UBTD2: variants seen among roughly 807,000 people sequenced by gnomAD.
UBTD2 encodes the protein ubiquitin domain containing 2, also known as ubiquitin domain-containing protein 2.
UBTD2 carries 9 observed loss-of-function variants against 19.8 expected under a neutral mutation model. That is an observed-to-expected ratio of 0.46 (90% CI 0.27 to 0.79). UBTD2 has a LOEUF of 0.79. Among genes scored for constraint, UBTD2 ranks in the 30% least tolerant of loss-of-function variants. The pLI, the probability that UBTD2 is intolerant of heterozygous loss-of-function variation, is 0.14. For synonymous variants in UBTD2, 98 were observed against 103.9 expected (o/e 0.94, Z 0.35); for missense variants, 250 against 300.4 (o/e 0.83, Z 1.24).
intron 1 of UBTD2, among the ~76,000 whole-genome samples, chr5:172,252,964 T>C (rs1755059937): frequency 6.6e-6 from 1 of 152,206 alleles, no homozygotes; most frequent in South Asian, 2.1e-4. Flanking sequence ...AAAAAACTAC[T>C]AGAAACTGTA....
intron 2 of UBTD2, among the ~76,000 whole-genome samples, chr5:172,222,334 T>C (rs547251260): frequency 3.0e-4 from 45 of 152,286 alleles, no homozygotes; most frequent in Non-Finnish European, 6.3e-4. Context: ...CTTTAGGACC[T>C]AACAAGGATC....
chr5:172,211,729 T>A lies in UBTD2; in HGVS notation c.*101A>T, dbSNP rs1277679969. The A allele has an allele frequency of 4.6e-6, 6 of 1,303,248 alleles. No individual in the cohort carries two copies. Among genetic ancestry groups the A allele is most frequent in the Non-Finnish European group, 6.2e-6 (6 of 973,882 alleles). 80.7% of individuals were successfully genotyped at this position (1,303,248 alleles called of 1,614,324 possible). On this transcript the variant is annotated 3_prime_UTR_variant, in exon 3 of 3. Transcript: ENST00000393792. ...CAGAACTAAATCCATTCATAGGGAA[T>A]TTAGAGCAGTGAAATAGATTTCACG...
At chr5:172,254,355 C>T (rs1755096421) in intron 1 of UBTD2, 1 of 238,982 alleles carries the variant, frequency 4.2e-6, no homozygotes, top group Non-Finnish European at 8.2e-6. Flanking sequence ...CCTCGGCCTC[C>T]CAAAGTGTTG....
intron 1 of UBTD2, among the ~76,000 whole-genome samples, chr5:172,266,550 T>C (rs755066709): frequency 2.0e-5 from 3 of 152,190 alleles, no homozygotes; most frequent in Non-Finnish European, 4.4e-5. Flanking sequence ...TTCCTACGGT[T>C]AAACATAAGT....
At chr5:172,256,971 A>G (rs140558689) in intron 1 of UBTD2, among the ~76,000 whole-genome samples, 4 of 152,208 alleles carry the variant, frequency 2.6e-5, no homozygotes, top group African/African-American at 9.6e-5. Context: ...TTCCTTCTTG[A>G]TGAATTCTTT....
chr5:172,278,363 C>T (rs931281401), intron 1 of UBTD2, among the ~76,000 whole-genome samples: 2 of 151,732 alleles, frequency 1.3e-5, no homozygotes, highest in Non-Finnish European at 2.9e-5. Context: ...ACTAAAAATA[C>T]AAAAAATTAG....
At position 172,209,945 on chromosome 5, in the gene UBTD2, A is replaced by C. The variant is rs1391929236; in HGVS notation, c.*1885T>G. The C allele has an allele frequency of 6.6e-6, 1 of 152,446 alleles. No individual in the cohort carries two copies. 9.4% of individuals were successfully genotyped at this position (152,446 alleles called of 1,614,324 possible). A position where few individuals can be genotyped will look rare whatever the true frequency, so the allele number is the denominator to read the frequency against. On this transcript the variant is annotated 3_prime_UTR_variant, in exon 3 of 3. Transcript: ENST00000393792. The stretch of plus-strand genomic sequence containing the variant: ...ATCTGCTTAAGAAAAAAACAGTTTT[A>C]AACACTTTTTTCCAGTTGACAAACT...
intron 2 of UBTD2, among the ~76,000 whole-genome samples, chr5:172,225,486 A>G (rs1009001356): frequency 2.6e-5 from 4 of 152,212 alleles, no homozygotes; most frequent in African/African-American, 9.6e-5. Context: ...TTCAGGTTAG[A>G]AAGAAAGATG....
At chr5:172,279,400 G>A (rs1755668616) in intron 1 of UBTD2, among the ~76,000 whole-genome samples, 1 of 152,178 alleles carries the variant, frequency 6.6e-6, no homozygotes, top group Non-Finnish European at 1.5e-5. Context: ...AAAAACCATT[G>A]TTACTCACTG....
At chr5:172,244,337 C>T (rs1448175585) in intron 1 of UBTD2, among the ~76,000 whole-genome samples, 88 of 127,912 alleles carry the variant, frequency 6.9e-4, no homozygotes, top group African/African-American at 2.7e-3. Flanking sequence ...GCTCTTGTTG[C>T]CCAGGCTGGA....
At chr5:172,230,982 A>C (rs899267195) in intron 2 of UBTD2, among the ~76,000 whole-genome samples, 25 of 152,122 alleles carry the variant, frequency 1.6e-4, no homozygotes, top group African/African-American at 6.0e-4. Context: ...ACGGGGTTTC[A>C]CCGTGTTAGC....
intron 2 of UBTD2, among the ~76,000 whole-genome samples, chr5:172,219,882 T>C (rs1256682330): frequency 6.6e-6 from 1 of 152,222 alleles, no homozygotes; most frequent in Non-Finnish European, 1.5e-5. Flanking sequence ...TGACAGCATT[T>C]AGGTTCAGTA....
chr5:172,274,665 C>T (rs1755572160), intron 1 of UBTD2, among the ~76,000 whole-genome samples: 1 of 152,112 alleles, frequency 6.6e-6, no homozygotes, highest in Non-Finnish European at 1.5e-5. Flanking sequence ...AAGAAGTCTA[C>T]CTTGTTTTAG....
At chr5:172,263,920 T>A (rs957350937) in intron 1 of UBTD2, among the ~76,000 whole-genome samples, 1 of 149,128 alleles carries the variant, frequency 6.7e-6, no homozygotes, top group Non-Finnish European at 1.5e-5. Flanking sequence ...CAGGCTGGGC[T>A]CAAGCACTCC....
intron 1 of UBTD2, among the ~76,000 whole-genome samples, chr5:172,273,779 T>G (rs1755550811): frequency 6.6e-6 from 1 of 152,026 alleles, no homozygotes; most frequent in African/African-American, 2.4e-5. Flanking sequence ...AGGATTCAGC[T>G]CTCCTCATGT....
intron 1 of UBTD2, among the ~76,000 whole-genome samples, chr5:172,277,851 CA>C (rs398065417): frequency 0.034 from 2,666 of 78,290 alleles, 56 homozygotes; most frequent in African/African-American, 0.086. Flanking sequence ...TCTTACCACT[CA>C]AAAAAAAAAA....
At chr5:172,245,884 T>C (rs1287805224) in intron 1 of UBTD2, among the ~76,000 whole-genome samples, 4 of 152,202 alleles carry the variant, frequency 2.6e-5, no homozygotes, top group Admixed American at 1.3e-4. Flanking sequence ...CCTAGCAGGA[T>C]TGATTGCCTG....
chr5:172,263,532 C>T (rs548588056), intron 1 of UBTD2, among the ~76,000 whole-genome samples: 7 of 152,280 alleles, frequency 4.6e-5, no homozygotes, highest in Admixed American at 1.3e-4. Context: ...CGGTGGCTCA[C>T]GCCTATAGTC....
At chr5:172,251,314 CA>C (rs57577423) in intron 1 of UBTD2, among the ~76,000 whole-genome samples, 116 of 118,058 alleles carry the variant, frequency 9.8e-4, no homozygotes, top group Non-Finnish European at 1.0e-3. Flanking sequence ...GAGCCTATCT[CA>C]AAAAAAAAAA....
Sources: gnomAD v4.1 joint callset for allele counts (sites outside exome capture counted in the v4.1 genomes callset) on GRCh38, gnomAD v4.1.1 for gene constraint, MANE v1.5 for transcripts, NCBI Gene and HGNC (gene_info 2026-07-23, HGNC 2026-07-21) for gene names.